The following PRSS23 variants were observed in gnomAD, a reference collection of about 807,000 sequenced individuals.
The protein encoded by PRSS23 is protease, serine 23.
PRSS23 carries 25 observed loss-of-function variants against 34.7 expected under a neutral mutation model. The ratio of observed to expected loss-of-function variants is 0.72; its 90% CI spans 0.53 to 1.01. The LOEUF (loss-of-function observed/expected upper bound fraction) is 1.01, where lower values mean the gene tolerates loss of function less well. PRSS23 is among the 50% of genes least tolerant of loss of function. The pLI is 0.00. For synonymous variants in PRSS23, 176 were observed against 186.6 expected (o/e 0.94, Z 0.46); for missense variants, 445 against 475.6 (o/e 0.94, Z 0.60).
chr11:86,791,565 C>G (rs556139684), intron 1 of PRSS23, among the ~76,000 whole-genome samples: 25 of 152,320 alleles, frequency 1.6e-4, no homozygotes, highest in Admixed American at 1.2e-3. Flanking sequence ...TTCACAAGCT[C>G]ACTTGTTTTT....
At chr11:86,800,361 T>TA, upstream of PRSS23, 1 of 823,302 alleles carries the variant, frequency 1.2e-6, no homozygotes, top group Non-Finnish European at 1.5e-6. Context: ...CCTCAGGCCC[T>TA]CTGGGCTGCT....
chr11:86,830,263 G>T (rs1273549299), intron 2 of PRSS23, among the ~76,000 whole-genome samples: 1 of 152,194 alleles, frequency 6.6e-6, no homozygotes. Flanking sequence ...CTAGCAATCA[G>T]CGAGACTCCA....
chr11:86,798,535 G>T (rs1252510720), upstream of PRSS23, among the ~76,000 whole-genome samples: 1 of 152,202 alleles, frequency 6.6e-6, no homozygotes. Context: ...GGAAGTCAAA[G>T]GTACTGACGC....
At chr11:86,901,312 T>C (rs1185301183) in intron 2 of PRSS23, among the ~76,000 whole-genome samples, 1 of 152,096 alleles carries the variant, frequency 6.6e-6, no homozygotes, top group East Asian at 1.9e-4. Flanking sequence ...CGAAAACAGC[T>C]CTTGTCCCAG....
At chr11:86,838,556 G>A (rs531019513) in intron 2 of PRSS23, among the ~76,000 whole-genome samples, 2 of 152,352 alleles carry the variant, frequency 1.3e-5, no homozygotes, top group South Asian at 2.1e-4. Context: ...ATAGCAGAAC[G>A]AAAGGCAGCA....
chr11:86,793,599 A>G (rs1386619294), intron 1 of PRSS23, among the ~76,000 whole-genome samples: 1 of 152,208 alleles, frequency 6.6e-6, no homozygotes, highest in Non-Finnish European at 1.5e-5. Context: ...GGAAGTTCAG[A>G]TTAACATTCT....
chr11:86,877,754 G>A (rs888494394), intron 2 of PRSS23, among the ~76,000 whole-genome samples: 1 of 151,834 alleles, frequency 6.6e-6, no homozygotes, highest in Non-Finnish European at 1.5e-5. Context: ...TTTGAAATCA[G>A]GAAGTGTGAA....
intron 2 of PRSS23, among the ~76,000 whole-genome samples, chr11:86,929,335 C>T (rs11234880): frequency 7.5e-6 from 1 of 133,092 alleles, no homozygotes; most frequent in Non-Finnish European, 1.6e-5. Context: ...AAAAAAAAAA[C>T]AAAAAAAAAA....
At chr11:86,829,379 C>G (rs1211733384) in intron 2 of PRSS23, among the ~76,000 whole-genome samples, 6 of 152,168 alleles carry the variant, frequency 3.9e-5, no homozygotes, top group Non-Finnish European at 7.3e-5. Context: ...ATTGGTTATT[C>G]TAGTTATACA....
rs796129112 is a variant in PRSS23, at chr11:86,823,651, A to G, written c.206+58A>G. 3.9e-5 allele frequency: 27 copies of G among 692,614 alleles called. No individual in the cohort carries two copies. In the African/African-American group the frequency reaches 4.7e-4, roughly 12 times the overall value. 42.9% of individuals were successfully genotyped at this position (692,614 alleles called of 1,614,324 possible). A position where few individuals can be genotyped will look rare whatever the true frequency, so the allele number is the denominator to read the frequency against. ...TGCTTAATGGTGCTTAAATCTTTTC[A>G]TGTTTCCACATTTTCTAATGCATTT... On this transcript the variant is annotated intron_variant, in intron 2 of 2. Transcript: ENST00000533902.
chr11:86,908,077 T>C (rs137858183), intron 2 of PRSS23, among the ~76,000 whole-genome samples: 32 of 152,340 alleles, frequency 2.1e-4, no homozygotes, highest in Non-Finnish European at 3.5e-4. Context: ...GGCTGAAAAA[T>C]ATCCCATTGT....
intron 2 of PRSS23, among the ~76,000 whole-genome samples, chr11:86,899,020 A>G (rs1231751604): frequency 6.6e-6 from 1 of 152,160 alleles, no homozygotes; most frequent in Non-Finnish European, 1.5e-5. Context: ...GACAAAGTGT[A>G]TGTGCAAGTC....
chr11:86,916,864 A>AC (rs990704281), intron 2 of PRSS23, among the ~76,000 whole-genome samples: 2 of 152,016 alleles, frequency 1.3e-5, no homozygotes, highest in African/African-American at 4.8e-5. Context: ...TACGTCTGCC[A>AC]CCCCCACTAA....
intron 2 of PRSS23, chr11:86,921,699 TC>T (rs994124239): frequency 3.9e-5 from 6 of 152,280 alleles, no homozygotes; most frequent in African/African-American, 1.2e-4. Context: ...TATTTCAAGT[TC>T]ACAGACTTTA....
At chr11:86,842,861 G>C (rs540895014) in intron 2 of PRSS23, among the ~76,000 whole-genome samples, 3 of 152,302 alleles carry the variant, frequency 2.0e-5, no homozygotes, top group Non-Finnish European at 4.4e-5. Context: ...GTAATTTATA[G>C]ATTCAATGCC....
exon 2 of PRSS23, chr11:86,823,519 C>T: frequency 2.8e-6 from 2 of 702,544 alleles, no homozygotes; most frequent in Non-Finnish European, 5.2e-6. Flanking sequence ...GTTCCAGGAC[C>T]TGGCTAGAAG....
At chr11:86,886,367 G>C (rs1565377058) in intron 2 of PRSS23, among the ~76,000 whole-genome samples, 1 of 152,116 alleles carries the variant, frequency 6.6e-6, no homozygotes, top group Non-Finnish European at 1.5e-5. Flanking sequence ...GGAGTATAAA[G>C]ACCTCAGCTC....
upstream of PRSS23, among the ~76,000 whole-genome samples, chr11:86,798,355 A>G (rs1947995258): frequency 6.6e-6 from 1 of 152,234 alleles, no homozygotes. Flanking sequence ...CTATGCTAAT[A>G]AGAGAGAAAC....
At chr11:86,824,330 AAAAATAAAAT>A (rs55920841) in intron 2 of PRSS23, among the ~76,000 whole-genome samples, 384 of 133,158 alleles carry the variant, frequency 2.9e-3, no homozygotes, top group Non-Finnish European at 4.6e-3. Context: ...AAATAAAAAT[AAAAATAAAAT>A]AAAATAAAAT....
Sources: allele counts gnomAD v4.1 joint callset (sites outside exome capture counted in the v4.1 genomes callset), GRCh38; gene constraint gnomAD v4.1.1; transcripts MANE v1.5; gene names NCBI Gene and HGNC (gene_info 2026-07-23, HGNC 2026-07-21).